TNFSF10: variants seen among roughly 807,000 people sequenced by gnomAD.
TNFSF10 encodes the protein tumor necrosis factor ligand superfamily member 10.
A neutral mutation model predicts 29.5 loss-of-function variants in TNFSF10; 13 were observed. The observed-to-expected ratio is 0.44, with a 90% CI of 0.29 to 0.70. TNFSF10 has a LOEUF of 0.70. TNFSF10 is among the 30% of genes least tolerant of loss of function. The probability of loss-of-function intolerance (pLI) is 0.13; values close to 1 mark genes in which losing one functional copy is unlikely to be tolerated. For missense variants in TNFSF10, 345 were observed against 330.9 expected (o/e 1.04, Z -0.33); for synonymous variants, 111 against 112.8 (o/e 0.98, Z 0.10).
Position 172,523,425 on chromosome 3 carries a change from C to A in TNFSF10, c.-41G>T. ...TGACTGCTGTAAGTCAGCCAGGCAG[C>A]CGGTCACTGAAGCCCTTCCTTCTCT... is the stretch of plus-strand genomic sequence containing the variant. On this transcript the variant is annotated 5_prime_UTR_variant, in exon 1 of 5. Transcript: ENST00000241261. 6.3e-7 allele frequency: 1 copy of A among 1,591,376 alleles called. No homozygotes were observed. The highest frequency in any genetic ancestry group is 1.1e-5 in the South Asian group (1 of 89,886).
intron 2 of TNFSF10, among the ~76,000 whole-genome samples, chr3:172,512,582 G>A (rs1052101369): frequency 2.6e-5 from 4 of 152,188 alleles, no homozygotes; most frequent in Non-Finnish European, 4.4e-5. Flanking sequence ...GAGTGGTGGC[G>A]GTGGACTGAC....
intron 1 of TNFSF10, among the ~76,000 whole-genome samples, chr3:172,520,762 A>C (rs1713655700): frequency 6.6e-6 from 1 of 152,192 alleles, no homozygotes; most frequent in Non-Finnish European, 1.5e-5. Context: ...TCAAGAATTC[A>C]TGAGTCAAGA....
At chr3:172,511,732 A>AT in intron 2 of TNFSF10, 73 bp from the exon 3 acceptor site, 1 of 1,312,558 alleles carries the variant, frequency 7.6e-7, no homozygotes, top group Non-Finnish European at 1.1e-6. Context: ...CCTATGGCTC[A>AT]TCTTGCTGAT....
At chr3:172,511,819 G>A (rs193012399) in intron 2 of TNFSF10, among the ~76,000 whole-genome samples, 160 bp from the exon 3 acceptor site, 28 of 152,348 alleles carry the variant, frequency 1.8e-4, no homozygotes, top group African/African-American at 6.5e-4. Context: ...TGTAAGGGGT[G>A]GGGTGGGAGC....
At chr3:172,512,661 A>C (rs1713273767) in intron 2 of TNFSF10, among the ~76,000 whole-genome samples, 1 of 152,098 alleles carries the variant, frequency 6.6e-6, no homozygotes, top group East Asian at 1.9e-4. Context: ...ATTCTCTCTT[A>C]TCTCTGCCTC....
chr3:172,517,961 T>A (rs1209526295), intron 1 of TNFSF10: 1 of 985,454 alleles, frequency 1.0e-6, no homozygotes, highest in Admixed American at 6.1e-5. Context: ...TCTTGCATCA[T>A]GAATTTTGGT....
chr3:172,516,972 C>T (rs1187988298), intron 1 of TNFSF10, among the ~76,000 whole-genome samples: 1 of 152,342 alleles, frequency 6.6e-6, no homozygotes, highest in East Asian at 1.9e-4. Flanking sequence ...TATGAGTTGG[C>T]TCTGGCCAAG....
At chr3:172,511,511 G>C (rs3136595) in intron 3 of TNFSF10, 106 bp downstream of exon 3, 4 of 887,514 alleles carry the variant, frequency 4.5e-6, no homozygotes, top group Non-Finnish European at 5.1e-6. Flanking sequence ...GCAGATCAGA[G>C]GATGGATGAG....
rs770903127 is a variant in TNFSF10, at chr3:172,506,188, A to G, written c.*304T>C. 1.9e-4 allele frequency: 57 copies of G among 304,864 alleles called. No individual in the cohort carries two copies. Among genetic ancestry groups the G allele is most frequent in the Non-Finnish European group, 3.2e-4 (54 of 166,470 alleles). 18.9% of individuals were successfully genotyped at this position (304,864 alleles called of 1,614,324 possible). On this transcript the variant is annotated 3_prime_UTR_variant, in exon 5 of 5. Coordinates refer to ENST00000241261, the MANE Select transcript of TNFSF10 (RefSeq NM_003810.4). ...TAGATTATAAAGACAGAAGATGTTAACCATTGCATTAATGTTTGGAAGCTG... is the reference window on the plus strand; with the variant it reads ...TAGATTATAAAGACAGAAGATGTTAGCCATTGCATTAATGTTTGGAAGCTG...
chr3:172,506,374 T>C lies in TNFSF10; in HGVS notation c.*118A>G, dbSNP rs1712983213. 1.5e-6 allele frequency: 2 copies of C among 1,322,000 alleles called. No homozygotes were observed. The highest frequency in any genetic ancestry group is 5.0e-5 in the East Asian group (2 of 39,948). The allele number at this position is 1,322,000 out of a possible 1,614,324, so 81.9% of individuals were successfully genotyped here. On this transcript the variant is annotated 3_prime_UTR_variant, in exon 5 of 5. Coordinates refer to ENST00000241261, the MANE Select transcript of TNFSF10 (RefSeq NM_003810.4). ...TCTACTCAGATTGCATAGAGGTTTTTTTGTTTTCTGTTTTCTGTTTGTTTG... is the reference window on the plus strand; with the variant it reads ...TCTACTCAGATTGCATAGAGGTTTTCTTGTTTTCTGTTTTCTGTTTGTTTG...
chr3:172,508,956 A>G (rs200986477), intron 4 of TNFSF10, among the ~76,000 whole-genome samples: 3 of 14,800 alleles, frequency 2.0e-4, no homozygotes, highest in Non-Finnish European at 4.2e-4. Flanking sequence ...CTAAAGAAGG[A>G]AAAAAAATGG....
rs1358975998 is a variant in TNFSF10, at chr3:172,506,366, G to A, written c.*126C>T. 1 of 1,227,108 alleles carries A rather than the reference G, an allele frequency of 8.1e-7. No homozygotes were observed. Among genetic ancestry groups the A allele is most frequent in the Admixed American group, 3.0e-5 (1 of 33,428 alleles). The allele number at this position is 1,227,108 out of a possible 1,614,324, so 76.0% of individuals were successfully genotyped here. On this transcript the variant is annotated 3_prime_UTR_variant, in exon 5 of 5. Coordinates refer to ENST00000241261, the MANE Select transcript of TNFSF10 (RefSeq NM_003810.4). Reference sequence around the variant, plus strand: ...GTGGCTGCTCTACTCAGATTGCATAGAGGTTTTTTTGTTTTCTGTTTTCTG... The same window carrying A: ...GTGGCTGCTCTACTCAGATTGCATAAAGGTTTTTTTGTTTTCTGTTTTCTG...
chr3:172,509,080 A>G (rs947011338), intron 4 of TNFSF10, 137 bp downstream of exon 4: 7 of 579,662 alleles, frequency 1.2e-5, no homozygotes, highest in Non-Finnish European at 2.0e-5. Context: ...AAAACAGTCA[A>G]TCTGAGATCT....
At chr3:172,507,016 G>T in intron 4 of TNFSF10, 97 bp from the exon 5 acceptor site, 1 of 1,058,502 alleles carries the variant, frequency 9.4e-7, no homozygotes. Context: ...ATTTTTGTTG[G>T]GCTTGCCAGG....
At chr3:172,520,125 A>G (rs1197965724) in intron 1 of TNFSF10, among the ~76,000 whole-genome samples, 1 of 152,228 alleles carries the variant, frequency 6.6e-6, no homozygotes, top group African/African-American at 2.4e-5. Flanking sequence ...TTTAATATAC[A>G]ATGAATTAAA....
intron 4 of TNFSF10, chr3:172,507,226 A>G: frequency 3.2e-6 from 1 of 310,100 alleles, no homozygotes; most frequent in Non-Finnish European, 5.9e-6. Context: ...GCCCACTCAG[A>G]TAGCAATGGT....
In TNFSF10 at chr3:172,523,370, C is replaced by T; in HGVS notation, c.15G>A (p.Glu5=). MAMM[E]VQGGPSLGQT... Reference sequence around the variant, plus strand: ...GTCCCAGGCTGGGTCCCCCCTGGACCTCCATCATAGCCATGATCCTGTCAG... The same window carrying T: ...GTCCCAGGCTGGGTCCCCCCTGGACTTCCATCATAGCCATGATCCTGTCAG... Residue 5 remains glutamate (E), a synonymous_variant, in exon 1 of 5, where the codon GAG becomes GAA. Coordinates refer to ENST00000241261, the MANE Select transcript of TNFSF10 (RefSeq NM_003810.4). 3.1e-6 allele frequency: 5 copies of T among 1,613,794 alleles called. No individual in the cohort carries two copies. The highest frequency in any genetic ancestry group is 4.2e-6 in the Non-Finnish European group (5 of 1,179,732).
At chr3:172,511,502 C>T (rs954319999) in intron 3 of TNFSF10, 115 bp downstream of exon 3, 1 of 782,222 alleles carries the variant, frequency 1.3e-6, no homozygotes. Context: ...TACGGAGCAG[C>T]AGATCAGAGG....
chr3:172,518,290 C>A, intron 1 of TNFSF10: 1 of 1,176,352 alleles, frequency 8.5e-7, no homozygotes. Context: ...AAGTGGATTT[C>A]CATGGTGACT....
Sources: gnomAD v4.1 joint callset for allele counts (sites outside exome capture counted in the v4.1 genomes callset) on GRCh38, gnomAD v4.1.1 for gene constraint, MANE v1.5 for transcripts, NCBI Gene and HGNC (gene_info 2026-07-23, HGNC 2026-07-21) for gene names.